The following DGKB variants were observed in gnomAD, a reference collection of about 807,000 sequenced individuals.
The protein encoded by DGKB is diacylglycerol kinase beta.
A neutral mutation model predicts 114.3 loss-of-function variants in DGKB; 67 were observed. The ratio of observed to expected loss-of-function variants is 0.59; its 90% CI spans 0.48 to 0.72. The LOEUF (loss-of-function observed/expected upper bound fraction) is 0.72, where lower values mean the gene tolerates loss of function less well. Ranked by LOEUF, DGKB falls within the 30% of genes least tolerant of loss-of-function variation. The pLI, the probability that DGKB is intolerant of heterozygous loss-of-function variation, is 0.00. For synonymous variants in DGKB, 398 were observed against 323.1 expected (o/e 1.23, Z -2.49); for missense variants, 907 against 975.2 (o/e 0.93, Z 0.93).
At chr7:14,503,832 G>T (rs1305198523) in intron 20 of DGKB, among the ~76,000 whole-genome samples, 4 of 152,068 alleles carry the variant, frequency 2.6e-5, no homozygotes, top group Non-Finnish European at 5.9e-5. Flanking sequence ...GAAAACCTTT[G>T]CAGAAGTCCA....
At chr7:14,515,074 G>A (rs1289845745) in intron 20 of DGKB, among the ~76,000 whole-genome samples, 2 of 152,038 alleles carry the variant, frequency 1.3e-5, no homozygotes, top group Non-Finnish European at 2.9e-5. Context: ...AGGGTTAGTG[G>A]CCTCAAGATC....
chr7:14,447,181 G>A (rs1018172219), intron 21 of DGKB, among the ~76,000 whole-genome samples: 8 of 152,096 alleles, frequency 5.3e-5, no homozygotes, highest in African/African-American at 1.9e-4. Flanking sequence ...CCCCATCAGG[G>A]TGGAACCCAC....
intron 1 of DGKB, among the ~76,000 whole-genome samples, chr7:14,923,982 T>TGAAAAAAAAAAA (rs1784628958): frequency 2.3e-5 from 1 of 43,820 alleles, no homozygotes; most frequent in Non-Finnish European, 3.0e-5. Context: ...AAGCTCCATC[T>TGAAAAAAAAAAA]CAAAAAAAAA....
chr7:14,945,017 A>G lies in DGKB; in HGVS notation c.-188+29679T>C, dbSNP rs545386460. On this transcript the variant is annotated intron_variant, in intron 1 of 4. Transcript: ENST00000437998. Reference sequence around the variant, plus strand: ...GTATGTATGTAACAGAATGAATTACATGTGTTCTCTAAAGGACATATACAT... The same window carrying G: ...GTATGTATGTAACAGAATGAATTACGTGTGTTCTCTAAAGGACATATACAT... Among the ~76,000 whole-genome samples, 119 of 151,954 alleles carry G rather than the reference A, an allele frequency of 7.8e-4. 1 individual carries two copies. The Middle Eastern group carries it at 0.01, about 13-fold the overall frequency.
chr7:14,384,866 G>A (rs773640601), intron 21 of DGKB, among the ~76,000 whole-genome samples: 6 of 152,138 alleles, frequency 3.9e-5, no homozygotes, highest in African/African-American at 7.2e-5. Context: ...GCACAGGACC[G>A]CCACTCAACA....
At chr7:14,223,815 G>T (rs776317995) in intron 23 of DGKB, among the ~76,000 whole-genome samples, 1 of 151,418 alleles carries the variant, frequency 6.6e-6, no homozygotes. Context: ...TTTAAATACA[G>T]CATCTCATTG....
rs932042429 is a variant in DGKB, at chr7:14,757,869, T to G, written c.71-138A>C. Reference sequence around the variant, plus strand: ...TTTAAAAACCAACACATAAAATATCTCTTGCCATTTTTGAAAGGCTATTTA... The same window carrying G: ...TTTAAAAACCAACACATAAAATATCGCTTGCCATTTTTGAAAGGCTATTTA... On this transcript the variant is annotated intron_variant, in intron 2 of 25. Transcript: ENST00000402815. 9.5e-6 allele frequency: 5 copies of G among 524,610 alleles called. No individual in the cohort carries two copies. The African/African-American group carries it at 1.0e-4, about 10-fold the overall frequency. The allele number at this position is 524,610 out of a possible 1,614,324, so 32.5% of individuals were successfully genotyped here. A position where few individuals can be genotyped will look rare whatever the true frequency, so the allele number is the denominator to read the frequency against.
At chr7:14,670,139 A>G (rs1045955327) in intron 13 of DGKB, among the ~76,000 whole-genome samples, 1 of 152,124 alleles carries the variant, frequency 6.6e-6, no homozygotes, top group Admixed American at 6.6e-5. Flanking sequence ...AAATATTCAT[A>G]GTGAAATAAT....
At chr7:14,321,461 A>C (rs542814434) in intron 23 of DGKB, among the ~76,000 whole-genome samples, 1 of 152,196 alleles carries the variant, frequency 6.6e-6, no homozygotes, top group African/African-American at 2.4e-5. Flanking sequence ...AGGTGTATCC[A>C]TAAAAGTATA....
At chr7:14,511,344 C>T (rs1488128021) in intron 20 of DGKB, among the ~76,000 whole-genome samples, 8 of 152,128 alleles carry the variant, frequency 5.3e-5, no homozygotes, top group Non-Finnish European at 1.0e-4. Flanking sequence ...GCTGTGTCAC[C>T]TTGTACTTTA....
intron 10 of DGKB, among the ~76,000 whole-genome samples, chr7:14,683,393 C>T (rs1821163735): frequency 6.6e-6 from 1 of 152,076 alleles, no homozygotes; most frequent in South Asian, 2.1e-4. Flanking sequence ...CATCGTTTGT[C>T]CAAAAGCAAC....
rs185209812 is a variant in DGKB at position 14,396,967 on chromosome 7, A to G, written c.1836-51576T>C. Among the ~76,000 whole-genome samples the G allele has an allele frequency of 8.3e-4, 127 of 152,206 alleles. 1 individual carries two copies. Among genetic ancestry groups the G allele is most frequent in the African/African-American group, 2.8e-3 (115 of 41,542 alleles). On this transcript the variant is annotated intron_variant, in intron 21 of 25. Coordinates refer to ENST00000402815, the MANE Select transcript of DGKB (RefSeq NM_001350709.2). ...CTACGATTTCATTTCCATGGTTTTTATTACAAAAATTATGTTATATGGAAA... is the reference window on the plus strand; with the variant it reads ...CTACGATTTCATTTCCATGGTTTTTGTTACAAAAATTATGTTATATGGAAA...
At chr7:14,587,787 C>T (rs994221864) in intron 17 of DGKB, among the ~76,000 whole-genome samples, 14 of 152,030 alleles carry the variant, frequency 9.2e-5, no homozygotes, top group South Asian at 4.1e-4. Flanking sequence ...ACTAATTTTT[C>T]GCAATGAATT....
At chr7:14,559,721 C>T (rs866984634) in intron 20 of DGKB, among the ~76,000 whole-genome samples, 20 of 152,188 alleles carry the variant, frequency 1.3e-4, no homozygotes, top group African/African-American at 3.6e-4. Flanking sequence ...ACTAAAGTCA[C>T]TGAGATGTCA....
intron 4 of DGKB, among the ~76,000 whole-genome samples, chr7:14,738,571 G>T (rs2128405853): frequency 6.6e-6 from 1 of 152,272 alleles, no homozygotes; most frequent in Non-Finnish European, 1.5e-5. Context: ...GCATCTGAAT[G>T]ACATCTGGCA....
chr7:14,173,550 A>T (rs1781319944), intron 25 of DGKB, among the ~76,000 whole-genome samples: 1 of 152,214 alleles, frequency 6.6e-6, no homozygotes, highest in South Asian at 2.1e-4. Flanking sequence ...AATTATGTCT[A>T]GAGCAATTCT....
chr7:14,943,547 G>GT (rs1374322109), intron 1 of DGKB, among the ~76,000 whole-genome samples: 2 of 151,584 alleles, frequency 1.3e-5, no homozygotes, highest in Non-Finnish European at 3.0e-5. Flanking sequence ...CTAAACTTGG[G>GT]TTTTTAGATG....
At chr7:14,725,842 G>A (rs191437292) in intron 5 of DGKB, among the ~76,000 whole-genome samples, 6 of 152,004 alleles carry the variant, frequency 3.9e-5, no homozygotes, top group South Asian at 2.1e-4. Context: ...GCAACCACGC[G>A]CAACCAATAT....
At chr7:14,548,774 G>A (rs777729107) in intron 20 of DGKB, among the ~76,000 whole-genome samples, 25 of 152,048 alleles carry the variant, frequency 1.6e-4, no homozygotes, top group Non-Finnish European at 3.5e-4. Flanking sequence ...GCAATTAGGA[G>A]GCACGGTGAT....
Sources: allele counts gnomAD v4.1 joint callset (sites outside exome capture counted in the v4.1 genomes callset), GRCh38; gene constraint gnomAD v4.1.1; transcripts MANE v1.5; gene names NCBI Gene and HGNC (gene_info 2026-07-23, HGNC 2026-07-21).